The following PCDHGA1 variants were observed in gnomAD, a reference collection of about 807,000 sequenced individuals.
PCDHGA1 encodes protocadherin gamma subfamily A, 1.
A neutral mutation model predicts 58.0 loss-of-function variants in PCDHGA1; 32 were observed. The observed-to-expected ratio is 0.55, with a 90% CI of 0.42 to 0.74. The LOEUF is 0.74. PCDHGA1 is among the 30% of genes least tolerant of loss of function. PCDHGA1 has a pLI of 0.00. For missense variants in PCDHGA1, 1,205 were observed against 1,182.3 expected (o/e 1.02, Z -0.28); for synonymous variants, 498 against 501.1 (o/e 0.99, Z 0.08).
chr5:141,343,222 A>T (rs901695696), intron 1 of PCDHGA1: 2 of 839,690 alleles, frequency 2.4e-6, no homozygotes, highest in Non-Finnish European at 2.9e-6. Context: ...TTGTTTAATG[A>T]ATATTAAATA....
At chr5:141,421,700 C>A (rs755518757) in intron 1 of PCDHGA1, 2 of 1,613,900 alleles carry the variant, frequency 1.2e-6, no homozygotes, top group Non-Finnish European at 1.7e-6. Flanking sequence ...CTTCCTAATG[C>A]TAGGGATCCA....
chr5:141,395,643 T>A (rs2150633577), intron 1 of PCDHGA1: 1 of 171,018 alleles, frequency 5.8e-6, no homozygotes, highest in East Asian at 1.7e-4. Flanking sequence ...GCCTTGTTAT[T>A]AGCTTAGCAA....
intron 1 of PCDHGA1, chr5:141,393,714 A>G: frequency 6.2e-7 from 1 of 1,613,878 alleles, no homozygotes; most frequent in South Asian, 1.1e-5. Flanking sequence ...TACTGGGGAA[A>G]TATCAATAGC....
chr5:141,510,814 CT>C, intron 3 of PCDHGA1, 132 bp from the exon 4 acceptor site: 1 of 1,544,688 alleles, frequency 6.5e-7, no homozygotes, highest in Non-Finnish European at 8.8e-7. Context: ...TTGGTGACCC[CT>C]ATATTCCCAG....
At chr5:141,482,888 A>G (rs1012212528) in intron 1 of PCDHGA1, among the ~76,000 whole-genome samples, 3 of 152,208 alleles carry the variant, frequency 2.0e-5, no homozygotes, top group African/African-American at 7.2e-5. Context: ...CCTGGCCAAC[A>G]TGGTGAAACC....
chr5:141,510,847 A>C (rs1279701390), intron 3 of PCDHGA1, 100 bp from the exon 4 acceptor site: 1 of 1,595,232 alleles, frequency 6.3e-7, no homozygotes, highest in Non-Finnish European at 8.6e-7. Context: ...GTCAAGGCCC[A>C]GGGTGCTGTA....
In PCDHGA1 at chr5:141,489,928, G is replaced by A. The variant is rs752861962; in HGVS notation, c.2422-4879G>A. ...CCGCTCAGGGACCACCCTTATCTCT[G>A]TCATCGTGCTGGACATCAATGATAA... On this transcript the variant is annotated intron_variant, in intron 1 of 3. Transcript: ENST00000517417. The surrounding 1 kb of genome is among the most constrained non-coding windows in gnomAD (Gnocchi z 4.5). 2 of 1,614,206 alleles carry A rather than the reference G, an allele frequency of 1.2e-6. No homozygotes were observed. Among genetic ancestry groups the A allele is most frequent in the Non-Finnish European group, 1.7e-6 (2 of 1,180,038 alleles).
chr5:141,366,164 A>G (rs1316186931), intron 1 of PCDHGA1: 1 of 1,614,076 alleles, frequency 6.2e-7, no homozygotes, highest in Middle Eastern at 1.6e-4. Context: ...GCTTAAGGCC[A>G]GCGAGCCAGG....
intron 1 of PCDHGA1, chr5:141,333,697 A>G (rs1197232015): frequency 1.3e-5 from 2 of 154,296 alleles, no homozygotes; most frequent in Non-Finnish European, 2.9e-5. Context: ...TTCTATCTTT[A>G]TTATCAGATT....
chr5:141,355,142 CTCCTCAGGCCT>C, intron 1 of PCDHGA1: 1 of 1,526,256 alleles, frequency 6.6e-7, no homozygotes, highest in East Asian at 2.3e-5. Context: ...GATCCTGGGG[CTCCTCAGGCCT>C]CGACAGAGGG....
At chr5:141,393,553 A>G (rs377510269) in intron 1 of PCDHGA1, 2 of 1,613,810 alleles carry the variant, frequency 1.2e-6, no homozygotes, top group African/African-American at 2.7e-5. Context: ...CACCCGATTT[A>G]CCGAGTGAAA....
chr5:141,414,554 C>G (rs1184557964), intron 1 of PCDHGA1: 3 of 1,613,880 alleles, frequency 1.9e-6, no homozygotes, highest in East Asian at 2.2e-5. Context: ...TCTCAAGTCT[C>G]CTACTTTACC....
chr5:141,450,650 C>G (rs1220350105), intron 1 of PCDHGA1, among the ~76,000 whole-genome samples: 1 of 151,618 alleles, frequency 6.6e-6, no homozygotes, highest in Non-Finnish European at 1.5e-5. Context: ...CCATGCCTGG[C>G]TAATTTTTGT....
In PCDHGA1 at chr5:141,511,367, G is replaced by A. The variant is rs563286583; in HGVS notation, c.*194G>A. ...CCTTCCCCCCCAGGGGGTTGAATAT[G>A]CAAAAGCAGTTCCGCTGGGAACCCC... On this transcript the variant is annotated 3_prime_UTR_variant, in exon 4 of 4. Coordinates refer to ENST00000517417, the MANE Select transcript of PCDHGA1 (RefSeq NM_018912.3). 2.3e-6 allele frequency: 3 copies of A among 1,299,952 alleles called. No individual in the cohort carries two copies. Among genetic ancestry groups the A allele is most frequent in the Non-Finnish European group, 3.1e-6 (3 of 967,442 alleles). 80.5% of individuals were successfully genotyped at this position (1,299,952 alleles called of 1,614,324 possible).
At chr5:141,335,075 A>G (rs72790003) in intron 1 of PCDHGA1, among the ~76,000 whole-genome samples, 5,074 of 152,306 alleles carry the variant, frequency 0.033, 112 homozygotes, top group East Asian at 0.072. Flanking sequence ...GTAACTATTG[A>G]AGACTTTCTC....
At chr5:141,510,322 A>G (rs62379243) in intron 3 of PCDHGA1, among the ~76,000 whole-genome samples, 36,300 of 150,290 alleles carry the variant, frequency 0.24, 4,456 homozygotes, top group Admixed American at 0.32. Flanking sequence ...TTGGAAGAGC[A>G]CTCTTCACCC....
At chr5:141,398,242 G>A (rs768096349) in intron 1 of PCDHGA1, 11 of 1,476,422 alleles carry the variant, frequency 7.5e-6, no homozygotes, top group Admixed American at 6.1e-5. Context: ...CAGGATTCCC[G>A]AGGAAATGCC....
chr5:141,350,828 G>C, intron 1 of PCDHGA1: 1 of 1,614,010 alleles, frequency 6.2e-7, no homozygotes, highest in Non-Finnish European at 8.5e-7. Flanking sequence ...TAAATATCCG[G>C]TATTACTGCT....
intron 1 of PCDHGA1, chr5:141,422,160 A>C: frequency 6.4e-7 from 1 of 1,573,304 alleles, no homozygotes; most frequent in South Asian, 1.2e-5. Context: ...TGGATTTTGA[A>C]AAATATAGAT....
Sources: gnomAD v4.1 joint callset for allele counts (sites outside exome capture counted in the v4.1 genomes callset) on GRCh38, gnomAD v4.1.1 for gene constraint, Gnocchi (gnomAD v3.1) non-coding constraint, MANE v1.5 for transcripts, NCBI Gene and HGNC (gene_info 2026-07-23, HGNC 2026-07-21) for gene names.